The following ELP3 variants were observed in gnomAD, a reference collection of about 807,000 sequenced individuals.
ELP3 encodes the protein elongator complex protein 3.
In ELP3, 56 loss-of-function variants were observed where a neutral mutation model predicts 74.9. The ratio of observed to expected loss-of-function variants is 0.75; its 90% CI spans 0.60 to 0.93. The LOEUF (loss-of-function observed/expected upper bound fraction) is 0.93. Among genes scored for constraint, ELP3 ranks in the 40% least tolerant of loss-of-function variants. The pLI, the probability that ELP3 is intolerant of heterozygous loss-of-function variation, is 0.00. For missense variants in ELP3, 573 were observed against 686.5 expected (o/e 0.83, Z 1.85); for synonymous variants, 222 against 239.8 (o/e 0.93, Z 0.68).
rs60296276 is a variant in ELP3, at chr8:28,148,032, T to C, written c.1101-7910T>C. ...GTTTGTACTGATATACATAAATGAA[T>C]AGATAAATAGGAAAGAAGGGAAAAG... On this transcript the variant is annotated intron_variant, in intron 10 of 14. Transcript: ENST00000256398. Among the ~76,000 whole-genome samples the C allele has an allele frequency of 9.3e-3, 1,408 of 152,178 alleles. 23 individuals carry two copies. Among genetic ancestry groups the C allele is most frequent in the African/African-American group, 0.031 (1,305 of 41,514 alleles).
At chr8:28,184,805 C>T (rs909407383) in intron 14 of ELP3, among the ~76,000 whole-genome samples, 2 of 152,034 alleles carry the variant, frequency 1.3e-5, no homozygotes, top group African/African-American at 4.8e-5. Context: ...TCTCCAGGAA[C>T]TGAGCTGAGC....
chr8:28,148,071 C>T (rs1275220085), intron 10 of ELP3, among the ~76,000 whole-genome samples: 1 of 152,098 alleles, frequency 6.6e-6, no homozygotes, highest in Non-Finnish European at 1.5e-5. Context: ...TCCTTACATA[C>T]AAGGTCAACT....
At chr8:28,091,614 G>A (rs1170219687), upstream of ELP3, among the ~76,000 whole-genome samples, 2 of 152,134 alleles carry the variant, frequency 1.3e-5, no homozygotes, top group Non-Finnish European at 2.9e-5. Flanking sequence ...TTAATCTCCA[G>A]CCCATGGACA....
chr8:28,164,844 G>A (rs1046714125), intron 14 of ELP3, among the ~76,000 whole-genome samples: 3 of 152,004 alleles, frequency 2.0e-5, no homozygotes, highest in South Asian at 2.1e-4. Context: ...GTGTTTTTCC[G>A]GTTTTTGCAT....
chr8:28,090,482 G>GTGTGTGT (rs1554492430), upstream of ELP3: 10,179 of 159,992 alleles, frequency 0.064, 409 homozygotes, highest in East Asian at 0.19. Flanking sequence ...CTGATGGGTG[G>GTGTGTGT]GTGTGTGTGT....
At chr8:28,170,408 C>T (rs1231227326) in intron 14 of ELP3, among the ~76,000 whole-genome samples, 3 of 152,166 alleles carry the variant, frequency 2.0e-5, no homozygotes, top group African/African-American at 7.2e-5. Context: ...ACAATCACAC[C>T]TCACACTTTC....
intron 7 of ELP3, among the ~76,000 whole-genome samples, chr8:28,121,794 C>T (rs1402520951): frequency 2.0e-5 from 3 of 152,126 alleles, no homozygotes; most frequent in Non-Finnish European, 2.9e-5. Flanking sequence ...AAGTACAGTG[C>T]ATTTTACTTT....
At position 28,187,807 on chromosome 8, in the gene ELP3, C is replaced by CA. The variant is rs139282944; in HGVS notation, c.1568-1842_1568-1841insA. Among the ~76,000 whole-genome samples the CA allele has an allele frequency of 5.7e-3, 866 of 152,224 alleles. 3 individuals carry two copies. Among genetic ancestry groups the CA allele is most frequent in the Middle Eastern group, 0.02 (6 of 294 alleles). ...GAGTTGGGTTTTTGACCTGCTACACCTTCCATGCAATTTAGACATTCAGGT... is the reference window on the plus strand; with the variant it reads ...GAGTTGGGTTTTTGACCTGCTACACCATTCCATGCAATTTAGACATTCAGGT... On this transcript the variant is annotated intron_variant, in intron 14 of 14. Transcript: ENST00000256398.
At chr8:28,187,632 C>T (rs1342159109) in intron 14 of ELP3, among the ~76,000 whole-genome samples, 1 of 152,204 alleles carries the variant, frequency 6.6e-6, no homozygotes, top group Non-Finnish European at 1.5e-5. Flanking sequence ...CCCATGTAGC[C>T]TCAGGCCTTT....
upstream of ELP3, among the ~76,000 whole-genome samples, chr8:28,092,121 A>G (rs1811069413): frequency 6.6e-6 from 1 of 151,976 alleles, no homozygotes; most frequent in Admixed American, 6.5e-5. Context: ...CCTGTGAGCA[A>G]CTCCTCTGGG....
chr8:28,097,873 G>A (rs1331875117), intron 2 of ELP3, among the ~76,000 whole-genome samples: 1 of 152,156 alleles, frequency 6.6e-6, no homozygotes, highest in African/African-American at 2.4e-5. Context: ...TTGACAGGTG[G>A]GTAATCTGAG....
chr8:28,175,976 G>A (rs1407803856), intron 14 of ELP3, among the ~76,000 whole-genome samples: 2 of 151,754 alleles, frequency 1.3e-5, no homozygotes, highest in Non-Finnish European at 2.9e-5. Flanking sequence ...CACCAGGCCT[G>A]GCTAATTTTT....
At chr8:28,131,757 A>G (rs1336304157) in intron 8 of ELP3, among the ~76,000 whole-genome samples, 1 of 152,184 alleles carries the variant, frequency 6.6e-6, no homozygotes, top group Non-Finnish European at 1.5e-5. Flanking sequence ...CTGTTATTTA[A>G]GGATCCTCCA....
chr8:28,091,593 G>A (rs1811056681), upstream of ELP3, among the ~76,000 whole-genome samples: 1 of 152,132 alleles, frequency 6.6e-6, no homozygotes, highest in South Asian at 2.1e-4. Context: ...CTTTATTAAT[G>A]GGAGAGGTTC....
intron 7 of ELP3, among the ~76,000 whole-genome samples, chr8:28,119,596 A>G (rs1812280306): frequency 1.0e-5 from 1 of 95,710 alleles, no homozygotes; most frequent in African/African-American, 5.1e-5. Context: ...ATATATATAT[A>G]TATATATATA....
intron 14 of ELP3, among the ~76,000 whole-genome samples, chr8:28,189,194 AT>A (rs904256148): frequency 6.6e-6 from 1 of 152,072 alleles, no homozygotes; most frequent in Non-Finnish European, 1.5e-5. Flanking sequence ...TGGAGATCCC[AT>A]TTTTTCCCCC....
chr8:28,176,843 A>T (rs1244077434), intron 14 of ELP3, among the ~76,000 whole-genome samples: 2 of 152,178 alleles, frequency 1.3e-5, no homozygotes, highest in African/African-American at 4.8e-5. Flanking sequence ...CATAGCAAAC[A>T]TCCTGCACTG....
At chr8:28,184,846 C>T (rs1478952953) in intron 14 of ELP3, among the ~76,000 whole-genome samples, 1 of 152,028 alleles carries the variant, frequency 6.6e-6, no homozygotes, top group Non-Finnish European at 1.5e-5. Flanking sequence ...GAGATGTTTT[C>T]TAAGTTCACG....
Position 28,097,327 on chromosome 8 carries a change from A to T in ELP3, c.119+9A>T. ...GACATCGATCTAAATAAGTAAGTGG[A>T]TATAAAGAGAGAGCAAGCTTGTTCT... On this transcript the variant is annotated intron_variant, in intron 2 of 14. Transcript: ENST00000256398. 1 of 1,590,930 alleles carries T rather than the reference A, an allele frequency of 6.3e-7. No individual in the cohort carries two copies. Among genetic ancestry groups the T allele is most frequent in the Non-Finnish European group, 8.6e-7 (1 of 1,160,346 alleles).
Sources: allele counts gnomAD v4.1 joint callset (sites outside exome capture counted in the v4.1 genomes callset), GRCh38; gene constraint gnomAD v4.1.1; transcripts MANE v1.5; gene names NCBI Gene and HGNC (gene_info 2026-07-23, HGNC 2026-07-21).